DDAH1: variants seen among roughly 807,000 people sequenced by gnomAD.
The protein encoded by DDAH1 is N(G),N(G)-dimethylarginine dimethylaminohydrolase 1.
In DDAH1, 19 loss-of-function variants were observed where a neutral mutation model predicts 28.8. The ratio of observed to expected loss-of-function variants is 0.66; its 90% CI spans 0.46 to 0.97. DDAH1 has a LOEUF of 0.97. Ranked by LOEUF, DDAH1 falls within the 50% of genes least tolerant of loss-of-function variation. The probability of loss-of-function intolerance (pLI) is 0.00; values close to 1 mark genes in which losing one functional copy is unlikely to be tolerated. For missense variants in DDAH1, 326 were observed against 375.9 expected, an observed-to-expected ratio of 0.87 and a Z score of 1.10; for synonymous variants, 153 against 154.4, an observed-to-expected ratio of 0.99 and a Z score of 0.07.
chr1:85,424,208 G>A (rs1470198329), intron 1 of DDAH1, among the ~76,000 whole-genome samples: 1 of 152,096 alleles, frequency 6.6e-6, no homozygotes, highest in Non-Finnish European at 1.5e-5. Flanking sequence ...TTGGTGTTAA[G>A]ATAATACTGG....
intron 1 of DDAH1, among the ~76,000 whole-genome samples, chr1:85,556,414 A>G (rs1305860494): frequency 6.6e-6 from 1 of 152,160 alleles, no homozygotes; most frequent in African/African-American, 2.4e-5. Flanking sequence ...CCCAAAGCAC[A>G]TGTTCCTACA....
At chr1:85,411,696 A>G (rs1312650812) in intron 1 of DDAH1, among the ~76,000 whole-genome samples, 1 of 152,258 alleles carries the variant, frequency 6.6e-6, no homozygotes, top group Non-Finnish European at 1.5e-5. Context: ...GATAGCTGCC[A>G]TGATGGCAAC....
chr1:85,419,890 T>C (rs1421884362), intron 1 of DDAH1, among the ~76,000 whole-genome samples: 3 of 152,354 alleles, frequency 2.0e-5, no homozygotes, highest in East Asian at 3.9e-4. Context: ...TTTATTTTTG[T>C]AGAATGTCCC....
rs1379038652 is a variant in DDAH1, at chr1:85,320,797, C to T, written c.*655G>A. 1 of 152,318 alleles carries T rather than the reference C, an allele frequency of 6.6e-6. No individual in the cohort carries two copies. The highest frequency in any genetic ancestry group is 1.5e-5 in the Non-Finnish European group (1 of 68,212). 9.4% of individuals were successfully genotyped at this position (152,318 alleles called of 1,614,324 possible). A position where few individuals can be genotyped will look rare whatever the true frequency, so the allele number is the denominator to read the frequency against. The stretch of plus-strand genomic sequence containing the variant: ...AGCTCTGATTTCAGTCACAGTTCTG[C>T]TGAGAAGCCTGTCTGCCCCTGGCAG... On this transcript the variant is annotated 3_prime_UTR_variant, in exon 6 of 6. Coordinates refer to ENST00000284031, the MANE Select transcript of DDAH1 (RefSeq NM_012137.4).
intron 1 of DDAH1, among the ~76,000 whole-genome samples, chr1:85,525,107 A>T (rs1343562840): frequency 2.0e-5 from 3 of 151,674 alleles, no homozygotes; most frequent in Non-Finnish European, 2.9e-5. Flanking sequence ...AAAATCGGCC[A>T]CCAAGAGAGA....
At chr1:85,420,048 C>G (rs1608537) in intron 1 of DDAH1, among the ~76,000 whole-genome samples, 124,416 of 152,012 alleles carry the variant, frequency 0.82, 51,071 homozygotes, top group Middle Eastern at 0.9. Context: ...GTCTGAGCTG[C>G]GGTTCGACCT....
At chr1:85,323,906 C>G (rs1264571044) in intron 5 of DDAH1, among the ~76,000 whole-genome samples, 3 of 146,664 alleles carry the variant, frequency 2.0e-5, no homozygotes, top group African/African-American at 7.6e-5. Context: ...GAATTTGAGG[C>G]TGCAGTGAGA....
At chr1:85,331,165 G>A (rs922505578) in intron 4 of DDAH1, among the ~76,000 whole-genome samples, 3 of 152,162 alleles carry the variant, frequency 2.0e-5, no homozygotes, top group African/African-American at 7.2e-5. Context: ...GGCATTTCCG[G>A]CAGTTCCCAA....
chr1:85,442,621 T>C (rs1291664240), intron 1 of DDAH1, among the ~76,000 whole-genome samples: 1 of 152,216 alleles, frequency 6.6e-6, no homozygotes, highest in Non-Finnish European at 1.5e-5. Flanking sequence ...TCCACAATGA[T>C]TGAACTAGTT....
At chr1:85,366,192 T>C (rs1428443682) in intron 1 of DDAH1, among the ~76,000 whole-genome samples, 1 of 152,074 alleles carries the variant, frequency 6.6e-6, no homozygotes, top group Non-Finnish European at 1.5e-5. Flanking sequence ...ATCACGATAA[T>C]CTTTAAAAGT....
rs143048459 is a variant in DDAH1 at position 85,427,852 on chromosome 1, G to A, written c.303+36891C>T. Among the ~76,000 whole-genome samples, 689 of 152,066 alleles carry A rather than the reference G, an allele frequency of 4.5e-3. 2 individuals are homozygous for A. Among genetic ancestry groups the A allele is most frequent in the Admixed American group, 8.6e-3 (131 of 15,266 alleles). ...ATGTGTTTCCTAATGAACTAGCTCC[G>A]CAAATATCACAGGTGAGGGAGGGGA... is the stretch of plus-strand genomic sequence containing the variant. On this transcript the variant is annotated intron_variant, in intron 1 of 5. Transcript: ENST00000284031.
At chr1:85,519,455 A>G (rs1480008189) in intron 1 of DDAH1, among the ~76,000 whole-genome samples, 2 of 152,232 alleles carry the variant, frequency 1.3e-5, no homozygotes, top group East Asian at 3.8e-4. Flanking sequence ...TTGGAGTTTT[A>G]AAAATGATGC....
intron 1 of DDAH1, among the ~76,000 whole-genome samples, chr1:85,410,412 G>A (rs958488508): frequency 5.3e-5 from 8 of 152,224 alleles, no homozygotes; most frequent in Non-Finnish European, 1.2e-4. Flanking sequence ...GGCTGAGGCG[G>A]GTGGATCACC....
At chr1:85,380,861 G>A (rs765816354) in intron 1 of DDAH1, among the ~76,000 whole-genome samples, 20 of 152,026 alleles carry the variant, frequency 1.3e-4, no homozygotes, top group Non-Finnish European at 2.2e-4. Context: ...GACATACTCC[G>A]TTTACTTTCA....
intron 1 of DDAH1, among the ~76,000 whole-genome samples, chr1:85,569,312 C>A (rs1659388713): frequency 6.6e-6 from 1 of 152,150 alleles, no homozygotes; most frequent in African/African-American, 2.4e-5. Context: ...CCATGATGTT[C>A]TGGAGGAAAG....
intron 1 of DDAH1, among the ~76,000 whole-genome samples, chr1:85,507,527 T>TAAATAAAC (rs71075841): frequency 2.6e-3 from 384 of 149,358 alleles, no homozygotes; most frequent in East Asian, 0.011. Flanking sequence ...AATAAATAAA[T>TAAATAAAC]AAACAAACAA....
intron 4 of DDAH1, among the ~76,000 whole-genome samples, chr1:85,333,676 T>C (rs1647918141): frequency 6.6e-6 from 1 of 151,530 alleles, no homozygotes; most frequent in South Asian, 2.1e-4. Flanking sequence ...AAGAATTCAA[T>C]GAATGAAATA....
Position 85,407,585 on chromosome 1 carries a change from G to A in DDAH1, c.304-48738C>T, listed in dbSNP as rs569935718. ...ATTAGACAATGGCTGCTACTAATTG[G>A]AGGTTTCTAAGGGGACACCACCGTG... On this transcript the variant is annotated intron_variant, in intron 1 of 5. Transcript: ENST00000284031. 2.7e-3 allele frequency among the ~76,000 whole-genome samples: 406 copies of A among 152,254 alleles called. 2 individuals carry two copies. Among genetic ancestry groups the A allele is most frequent in the Non-Finnish European group, 4.1e-3 (279 of 68,008 alleles).
intron 2 of DDAH1, among the ~76,000 whole-genome samples, chr1:85,485,325 G>C (rs1656166119): frequency 6.6e-6 from 1 of 151,984 alleles, no homozygotes; most frequent in South Asian, 2.1e-4. Flanking sequence ...TTTTAAATGA[G>C]TAAAGAGGCA....
Sources: allele counts gnomAD v4.1 joint callset (sites outside exome capture counted in the v4.1 genomes callset), GRCh38; gene constraint gnomAD v4.1.1; transcripts MANE v1.5; gene names NCBI Gene and HGNC (gene_info 2026-07-23, HGNC 2026-07-21).